Variants in ZC3H3 observed in about 807,000 individuals in gnomAD.
ZC3H3 encodes zinc finger CCCH-type containing 3, also known as zinc finger CCCH domain-containing protein 3.
A neutral mutation model predicts 77.3 loss-of-function variants in ZC3H3; 36 were observed. That is an observed-to-expected ratio of 0.47 (90% CI 0.36 to 0.61). ZC3H3 has a LOEUF of 0.61. Among genes scored for constraint, ZC3H3 ranks in the 20% least tolerant of loss-of-function variants. ZC3H3 has a pLI of 0.00. For synonymous variants in ZC3H3, 626 were observed against 555.2 expected (o/e 1.13, Z -1.79); for missense variants, 1,331 against 1,312.2 (o/e 1.01, Z -0.22).
intron 3 of ZC3H3, among the ~76,000 whole-genome samples, chr8:143,511,892 C>T (rs1438859828): frequency 2.0e-5 from 3 of 152,250 alleles, no homozygotes; most frequent in African/African-American, 4.8e-5. Flanking sequence ...CCTCCGCAGG[C>T]TTCATCCCAG....
intron 4 of ZC3H3, among the ~76,000 whole-genome samples, chr8:143,503,257 C>T (rs1261198918): frequency 2.0e-5 from 3 of 152,190 alleles, no homozygotes; most frequent in Non-Finnish European, 4.4e-5. Flanking sequence ...GCAGGAGTCC[C>T]GTTCTGCCCT....
Position 143,452,611 on chromosome 8 carries a change from T to C in ZC3H3, c.2308-11491A>G, listed in dbSNP as rs80133248. Among the ~76,000 whole-genome samples, 969 of 151,392 alleles carry C rather than the reference T, an allele frequency of 6.4e-3. 6 individuals carry two copies. The highest frequency in any genetic ancestry group is 0.022 in the African/African-American group (912 of 41,404). ...ACAAACATGCTGGAAACAGAAGAAA[T>C]AGAAAGTATCAACAGAGAAAAAGAA... On this transcript the variant is annotated intron_variant, in intron 9 of 11. Transcript: ENST00000262577.
intron 4 of ZC3H3, among the ~76,000 whole-genome samples, chr8:143,502,251 C>T (rs145768259): frequency 3.3e-5 from 5 of 152,222 alleles, no homozygotes; most frequent in African/African-American, 4.8e-5. Context: ...CCCCAGCCGA[C>T]GAAGACAGTG....
At position 143,541,447 on chromosome 8, in the gene ZC3H3, G is replaced by C; in HGVS notation, c.-26C>G. On this transcript the variant is annotated 5_prime_UTR_variant, in exon 1 of 12. Coordinates refer to ENST00000262577, the MANE Select transcript of ZC3H3 (RefSeq NM_015117.3). ...CTCCCGAGTCCGCGACGGCCGGCCA[G>C]GCCCCCACGACGTCATCGCTACGCG... is the stretch of plus-strand genomic sequence containing the variant. The C allele has an allele frequency of 1.2e-6, 2 of 1,611,462 alleles. No individual in the cohort carries two copies. The highest frequency in any genetic ancestry group is 1.1e-5 in the South Asian group (1 of 90,854).
In ZC3H3 at chr8:143,538,282, C is replaced by A. The variant is rs1189350052; in HGVS notation, c.1085G>T (p.Arg362Met). The change falls in exon 2 of 12, where the codon AGG becomes ATG. Residue 362 changes from arginine (R) to methionine (M), a missense_variant. Physicochemically the swap from Arg to Met is moderately conservative, Grantham distance 91 (BLOSUM62 -1). This residue lies in a region of ZC3H3 where 978 missense variants were observed against 915.5 expected (regional missense o/e 1.07). Transcript: ENST00000262577. ...TGGCTTGGAGGACGTGGCTGGCTTCCTGGGCTTGGGCTCTGGGTCAGCTAT... is the reference window on the plus strand; with the variant it reads ...TGGCTTGGAGGACGTGGCTGGCTTCATGGGCTTGGGCTCTGGGTCAGCTAT... ...QLIADPEPKPRKPATSSKPGS... is the reference protein window; with the variant it reads ...QLIADPEPKPMKPATSSKPGS... The A allele has an allele frequency of 6.2e-7, 1 of 1,612,964 alleles. No individual in the cohort carries two copies. The highest frequency in any genetic ancestry group is 2.2e-5 in the East Asian group (1 of 44,880).
At chr8:143,480,108 G>A (rs1271359539) in intron 4 of ZC3H3, among the ~76,000 whole-genome samples, 1 of 152,188 alleles carries the variant, frequency 6.6e-6, no homozygotes, top group Non-Finnish European at 1.5e-5. Context: ...GGGGCCGGGC[G>A]GACCTCTGGC....
chr8:143,540,728 G>A (rs900479903), intron 1 of ZC3H3, among the ~76,000 whole-genome samples: 137 of 152,038 alleles, frequency 9.0e-4, no homozygotes, highest in Admixed American at 2.6e-4. Context: ...GGCCGAGGCG[G>A]GTGAATCACC....
In ZC3H3 at chr8:143,441,235, C is replaced by T. The variant is rs1285905975; in HGVS notation, c.2308-115G>A. ...AGTACCCACGGGGCCCCATAGGCTCCGTCCAAGTCTTGGGGCCAAAGGCTT... is the reference window on the plus strand; with the variant it reads ...AGTACCCACGGGGCCCCATAGGCTCTGTCCAAGTCTTGGGGCCAAAGGCTT... On this transcript the variant is annotated intron_variant, in intron 9 of 11. Coordinates refer to ENST00000262577, the MANE Select transcript of ZC3H3 (RefSeq NM_015117.3). 76 of 1,127,988 alleles carry T rather than the reference C, an allele frequency of 6.7e-5. 2 individuals are homozygous for T. In the South Asian group the frequency reaches 1.5e-3, roughly 22 times the overall value. 69.9% of individuals were successfully genotyped at this position (1,127,988 alleles called of 1,614,324 possible).
intron 5 of ZC3H3, among the ~76,000 whole-genome samples, chr8:143,471,824 G>A (rs940888640): frequency 1.3e-5 from 2 of 152,266 alleles, no homozygotes; most frequent in East Asian, 1.9e-4. Context: ...ACCAGGGGAG[G>A]AAATTTATTT....
chr8:143,498,126 G>A (rs551078213), intron 4 of ZC3H3, among the ~76,000 whole-genome samples: 2 of 152,342 alleles, frequency 1.3e-5, no homozygotes, highest in South Asian at 4.1e-4. Context: ...CCGGGGCAGG[G>A]GCTGTGTCAC....
Position 143,468,563 on chromosome 8 carries a change from G to A in ZC3H3, c.1947-23C>T, listed in dbSNP as rs766318242. The A allele has an allele frequency of 6.2e-6, 10 of 1,602,052 alleles. No individual in the cohort carries two copies. The East Asian group carries it at 1.1e-4, about 18-fold the overall frequency. ...CGGCTGCAGACGGGGAGAGAGGTGC[G>A]TGAGCCTGAGGGCGAGCAGGGAGCC... On this transcript the variant is annotated intron_variant, in intron 6 of 11. Transcript: ENST00000262577.
chr8:143,459,403 G>C (rs1377416695), intron 9 of ZC3H3, among the ~76,000 whole-genome samples: 1 of 152,174 alleles, frequency 6.6e-6, no homozygotes, highest in Non-Finnish European at 1.5e-5. Context: ...ACAAAAATTA[G>C]CTGGGCCTGG....
intron 3 of ZC3H3, among the ~76,000 whole-genome samples, chr8:143,517,362 G>T (rs1488585583): frequency 6.6e-6 from 1 of 152,154 alleles, no homozygotes. Context: ...CAGCTAAGGG[G>T]GTTCCCAAAA....
At chr8:143,486,163 G>A (rs1821046223) in intron 4 of ZC3H3, among the ~76,000 whole-genome samples, 1 of 152,258 alleles carries the variant, frequency 6.6e-6, no homozygotes, top group East Asian at 1.9e-4. Context: ...ACTGCAAGAT[G>A]GACACACATG....
chr8:143,450,458 G>A (rs750812471), intron 9 of ZC3H3, among the ~76,000 whole-genome samples: 1 of 152,202 alleles, frequency 6.6e-6, no homozygotes, highest in African/African-American at 2.4e-5. Flanking sequence ...TAGGATTACA[G>A]GTGTGAGCCA....
rs73715664 is a variant in ZC3H3, at chr8:143,530,179, C to A, written c.1561+6078G>T. Among the ~76,000 whole-genome samples the A allele has an allele frequency of 3.9e-3, 595 of 152,212 alleles. 4 individuals are homozygous for A. The highest frequency in any genetic ancestry group is 0.013 in the African/African-American group (550 of 41,534). On this transcript the variant is annotated intron_variant, in intron 3 of 11. Transcript: ENST00000262577. The surrounding 1 kb of genome is among the most constrained non-coding windows in gnomAD (Gnocchi z 4.3). ...CAGCCTGGTTGTCCACACGAGACCA[C>A]CACGCAAGCCAGGCCCTTTCTGTCC...
At position 143,530,651 on chromosome 8, in the gene ZC3H3, G is replaced by A. The variant is rs933416026; in HGVS notation, c.1561+5606C>T. Among the ~76,000 whole-genome samples the A allele has an allele frequency of 7.2e-5, 11 of 152,226 alleles. No homozygotes were observed. The highest frequency in any genetic ancestry group is 1.2e-4 in the Non-Finnish European group (8 of 68,008). ...TCATCTCAGGGTGGCCGAGCACAGC[G>A]ACGGGCCCCAGGAGGATGTACCACG... On this transcript the variant is annotated intron_variant, in intron 3 of 11. Transcript: ENST00000262577. This position sits in a 1 kb window ranked among gnomAD's most constrained non-coding sequence, Gnocchi z 4.3.
chr8:143,539,125 G>A lies in ZC3H3; in HGVS notation c.242C>T (p.Pro81Leu), dbSNP rs369560785. ...RKKYSLVNRP[P>L]GPSDPPADHA... ...GTCGGCAGGAGGGTCTGAGGGTCCCGGGGGCCGATTCACGAGGGAGTATTT... is the reference window on the plus strand; with the variant it reads ...GTCGGCAGGAGGGTCTGAGGGTCCCAGGGGCCGATTCACGAGGGAGTATTT... Residue 81 changes from proline to leucine, a missense_variant, in exon 2 of 12, where the codon CCG (proline) becomes CTG (leucine). Transcript: ENST00000262577. 38 of 1,612,820 alleles carry A rather than the reference G, an allele frequency of 2.4e-5. No individual in the cohort carries two copies. The highest frequency in any genetic ancestry group is 2.8e-5 in the Non-Finnish European group (33 of 1,179,998).
At chr8:143,507,945 C>A (rs769980761) in intron 3 of ZC3H3, 46 bp from the exon 4 acceptor site, 3 of 1,518,200 alleles carry the variant, frequency 2.0e-6, no homozygotes, top group East Asian at 2.5e-5. Flanking sequence ...GGAAGGCCGG[C>A]AAGGGTAGGG....
Sources: allele counts gnomAD v4.1 joint callset (sites outside exome capture counted in the v4.1 genomes callset), GRCh38; gene constraint gnomAD v4.1.1; regional missense constraint gnomAD v4.1.1; non-coding constraint Gnocchi (gnomAD v3.1); transcripts MANE v1.5; gene names NCBI Gene and HGNC (gene_info 2026-07-23, HGNC 2026-07-21).